Variants in PIK3C2B observed in about 807,000 individuals in gnomAD.
PIK3C2B encodes phosphatidylinositol 4-phosphate 3-kinase C2 domain-containing subunit beta.
In PIK3C2B, 83 loss-of-function variants were observed where a neutral mutation model predicts 184.3. That is an observed-to-expected ratio of 0.45 (90% confidence interval 0.38 to 0.54). The LOEUF (loss-of-function observed/expected upper bound fraction) is 0.54, where lower values mean the gene tolerates loss of function less well. Among genes scored for constraint, PIK3C2B ranks in the 20% least tolerant of loss-of-function variants. The probability of loss-of-function intolerance (pLI) is 0.00; values close to 1 mark genes in which losing one functional copy is unlikely to be tolerated. For synonymous variants in PIK3C2B, 779 were observed against 837.6 expected (o/e 0.93, Z 1.21); for missense variants, 1,736 against 2,113.5 (o/e 0.82, Z 3.50).
intron 1 of PIK3C2B, among the ~76,000 whole-genome samples, chr1:204,483,262 AC>A (rs1657330985): frequency 2.0e-5 from 3 of 152,164 alleles, no homozygotes; most frequent in South Asian, 4.2e-4. Context: ...TACAAAAAAC[AC>A]AAAAATTAGC....
Position 204,469,039 on chromosome 1 carries a change from C to T in PIK3C2B, c.764G>A (p.Gly255Asp), listed in dbSNP as rs772990135. Residue 255 changes from glycine (G) to aspartate (D), a missense_variant, in exon 2 of 33, where the codon GGC becomes GAC. Gly to Asp is a moderately conservative substitution (Grantham distance 94). This residue lies in a region of PIK3C2B where 404 missense variants were observed against 418.0 expected (regional missense o/e 0.97). Transcript: ENST00000684373. ...DAEMLRDATRGWKEGRGPLDF... is the reference protein window; with the variant it reads ...DAEMLRDATRDWKEGRGPLDF... Reference sequence around the variant, plus strand: ...CAGCGGCCCTCGGCCCTCCTTCCAGCCCCTGGTGGCATCCCGCAACATCTC... The same window carrying T: ...CAGCGGCCCTCGGCCCTCCTTCCAGTCCCTGGTGGCATCCCGCAACATCTC... 5 of 1,614,092 alleles carry T rather than the reference C, an allele frequency of 3.1e-6. No homozygotes were observed. Among genetic ancestry groups the T allele is most frequent in the South Asian group, 1.1e-5 (1 of 91,090 alleles).
chr1:204,455,104 G>A (rs2055938), intron 11 of PIK3C2B, among the ~76,000 whole-genome samples: 105,146 of 152,176 alleles, frequency 0.69, 38,551 homozygotes, highest in Non-Finnish European at 0.81. Flanking sequence ...CTGTGTGTGC[G>A]TGCGTGTGTG....
At chr1:204,483,406 G>T (rs1004168906) in intron 1 of PIK3C2B, among the ~76,000 whole-genome samples, 2 of 146,062 alleles carry the variant, frequency 1.4e-5, no homozygotes, top group Non-Finnish European at 3.0e-5. Flanking sequence ...AAAAAAAAAC[G>T]ATCTTCAGAA....
In PIK3C2B at chr1:204,423,532, C is replaced by T. The variant is rs1674594912; in HGVS notation, c.*1320G>A. 1 of 152,400 alleles carries T rather than the reference C, an allele frequency of 6.6e-6. No homozygotes were observed. The highest frequency in any genetic ancestry group is 1.5e-5 in the Non-Finnish European group (1 of 68,018). The allele number at this position is 152,400 out of a possible 1,614,324, so 9.4% of individuals were successfully genotyped here. A position where few individuals can be genotyped will look rare whatever the true frequency, so the allele number is the denominator to read the frequency against. ...CAGTCTCAGTCTCTCCCTTCGGGCT[C>T]CTGAGCTTAGCTCCAGGGGAATAAT... On this transcript the variant is annotated 3_prime_UTR_variant, in exon 33 of 33. Coordinates refer to ENST00000684373, the MANE Select transcript of PIK3C2B (RefSeq NM_001377334.1).
chr1:204,461,725 G>A (rs1339068393), intron 5 of PIK3C2B, among the ~76,000 whole-genome samples: 2 of 152,164 alleles, frequency 1.3e-5, no homozygotes, highest in African/African-American at 2.4e-5. Flanking sequence ...GAGGTGGTGA[G>A]GCTGGGCTGT....
intron 2 of PIK3C2B, among the ~76,000 whole-genome samples, chr1:204,465,819 AC>A (rs1309918517): frequency 6.6e-6 from 1 of 152,192 alleles, no homozygotes; most frequent in African/African-American, 2.4e-5. Flanking sequence ...GCAGAGAGAG[AC>A]CCAGAACCCT....
chr1:204,432,215 G>T lies in PIK3C2B; in HGVS notation c.4140C>A (p.His1380Gln). Reference protein sequence around the residue: ...VFLCRHEKIFHPNKGYIYVVK... With the variant: ...VFLCRHEKIFQPNKGYIYVVK... ...AAACACTTACATAGCCTTTGTTGGG[G>T]TGGAAGATCTTCTCATGGCGGCAGA... Residue 1380 changes from histidine (H) to glutamine (Q), a missense_variant, in exon 27 of 33, where the codon CAC (histidine) becomes CAA (glutamine). By Grantham distance (24) the His-to-Gln change is conservative (BLOSUM62 0). This residue lies in a region of PIK3C2B where 200 missense variants were observed against 199.1 expected (regional missense o/e 1.00). Coordinates refer to ENST00000684373, the MANE Select transcript of PIK3C2B (RefSeq NM_001377334.1). 1 of 1,613,858 alleles carries T rather than the reference G, an allele frequency of 6.2e-7. No homozygotes were observed. The highest frequency in any genetic ancestry group is 1.1e-5 in the South Asian group (1 of 91,064).
intron 12 of PIK3C2B, among the ~76,000 whole-genome samples, chr1:204,453,457 G>A (rs754492965): frequency 6.6e-5 from 10 of 152,052 alleles, no homozygotes; most frequent in Admixed American, 2.6e-4. Flanking sequence ...ATCTCATCTC[G>A]ACGCCATAAC....
chr1:204,457,583 T>C, intron 9 of PIK3C2B, 145 bp downstream of exon 9: 1 of 753,404 alleles, frequency 1.3e-6, no homozygotes, highest in East Asian at 3.1e-5. Flanking sequence ...GCTCTTGCGG[T>C]TGAATTCCTT....
At position 204,424,104 on chromosome 1, in the gene PIK3C2B, G is replaced by T. The variant is rs990659698; in HGVS notation, c.*748C>A. The T allele has an allele frequency of 1.3e-5, 2 of 152,958 alleles. No homozygotes were observed. Among genetic ancestry groups the T allele is most frequent in the Non-Finnish European group, 2.9e-5 (2 of 68,368 alleles). The allele number at this position is 152,958 out of a possible 1,614,324, so 9.5% of individuals were successfully genotyped here. On this transcript the variant is annotated 3_prime_UTR_variant, in exon 33 of 33. Transcript: ENST00000684373. ...CAAAAGAGCATGGGTCCCTGAATAC[G>T]GGTCCTTGGCAGAACCCCAATACGG...
In PIK3C2B at chr1:204,449,991, C is replaced by A. The variant is rs763323789; in HGVS notation, c.2093G>T (p.Arg698Leu). 45 of 1,584,964 alleles carry A rather than the reference C, an allele frequency of 2.8e-5. No individual in the cohort carries two copies. Among genetic ancestry groups the A allele is most frequent in the Non-Finnish European group, 3.9e-5 (45 of 1,165,018 alleles). The part of the protein sequence containing the change: ...QQICFPVQVN[R>L]LPRETLLCAT... The stretch of plus-strand genomic sequence containing the variant: ...ACACAGCAGTGTCTCCCGAGGCAGC[C>A]GGTTCACCTGCACTGGGAAGCAGAT... The change falls in exon 13 of 33, where the codon CGG becomes CTG. Residue 698 changes from arginine (R) to leucine (L), a missense_variant. Arg to Leu is a moderately radical substitution (Grantham distance 102). Transcript: ENST00000684373.
At chr1:204,480,831 G>A (rs1279662051) in intron 1 of PIK3C2B, among the ~76,000 whole-genome samples, 1 of 152,080 alleles carries the variant, frequency 6.6e-6, no homozygotes, top group Non-Finnish European at 1.5e-5. Flanking sequence ...TTCTTCCCTT[G>A]GGATAGGAAG....
chr1:204,443,662 G>T, intron 18 of PIK3C2B, 65 bp from the exon 19 acceptor site: 1 of 1,459,700 alleles, frequency 6.9e-7, no homozygotes, highest in Non-Finnish European at 9.6e-7. Flanking sequence ...TACAGGGGGA[G>T]ACAGAGTCAG....
intron 1 of PIK3C2B, among the ~76,000 whole-genome samples, chr1:204,480,780 G>C (rs1204374506): frequency 1.3e-5 from 2 of 151,954 alleles, no homozygotes; most frequent in African/African-American, 4.8e-5. Context: ...CCATTCATGG[G>C]AACCGGCTAA....
chr1:204,456,504 A>G (rs1005824481), intron 10 of PIK3C2B, among the ~76,000 whole-genome samples: 3 of 152,176 alleles, frequency 2.0e-5, no homozygotes, highest in Admixed American at 1.3e-4. Context: ...TGCCAAAACA[A>G]AAAACAAAAC....
chr1:204,429,033 G>A, intron 29 of PIK3C2B: 3 of 376,280 alleles, frequency 8.0e-6, no homozygotes, highest in South Asian at 3.7e-5. Context: ...AGACCAGCCT[G>A]GTGACATAGT....
chr1:204,432,051 AGGAGAG>A lies in PIK3C2B; in HGVS notation c.4155+143_4155+148del, dbSNP rs369329714. ...AATTCTAGGCAGATCACGTGAGCAA[AGGAGAG>A]GGAAGTGGTCCAGGACTGCTCCCAG... On this transcript the variant is annotated intron_variant, in intron 27 of 32. Coordinates refer to ENST00000684373, the MANE Select transcript of PIK3C2B (RefSeq NM_001377334.1). The A allele has an allele frequency of 4.6e-4, 350 of 758,014 alleles. 2 individuals are homozygous for A. The African/African-American group carries it at 5.5e-3, about 12-fold the overall frequency. The allele number at this position is 758,014 out of a possible 1,614,324, so 47.0% of individuals were successfully genotyped here. A position where few individuals can be genotyped will look rare whatever the true frequency, so the allele number is the denominator to read the frequency against.
chr1:204,453,088 T>C (rs573643477), intron 12 of PIK3C2B, among the ~76,000 whole-genome samples: 1 of 152,260 alleles, frequency 6.6e-6, no homozygotes, highest in Admixed American at 6.5e-5. Context: ...TCTACCTATT[T>C]TGCATCCTCG....
chr1:204,465,657 G>C (rs1655702108), intron 2 of PIK3C2B, among the ~76,000 whole-genome samples: 1 of 152,192 alleles, frequency 6.6e-6, no homozygotes, highest in African/African-American at 2.4e-5. Context: ...CTTTCCGGGG[G>C]ATTCTCCCAG....
Sources: gnomAD v4.1 joint callset for allele counts (sites outside exome capture counted in the v4.1 genomes callset) on GRCh38, gnomAD v4.1.1 for gene constraint, gnomAD v4.1.1 regional missense constraint, MANE v1.5 for transcripts, NCBI Gene and HGNC (gene_info 2026-07-23, HGNC 2026-07-21) for gene names.